Variants in CCDC102B observed in about 807,000 individuals in gnomAD.
CCDC102B encodes the protein coiled-coil domain containing 102B, also known as coiled-coil domain-containing protein 102B.
In CCDC102B, 75 loss-of-function variants were observed where a neutral mutation model predicts 57.4. The ratio of observed to expected loss-of-function variants is 1.31; its 90% CI spans 1.08 to 1.58. The LOEUF (loss-of-function observed/expected upper bound fraction) is 1.58. Ranked by LOEUF, CCDC102B falls within the 40% of genes most tolerant of loss-of-function variation. CCDC102B has a pLI of 0.00. For missense variants in CCDC102B, 636 were observed against 582.6 expected, an observed-to-expected ratio of 1.09 and a Z score of -0.94; for synonymous variants, 206 against 201.9, an observed-to-expected ratio of 1.02 and a Z score of -0.17.
chr18:69,053,983 T>C lies in CCDC102B; in HGVS notation c.1435-47T>C, dbSNP rs753094105. The C allele has an allele frequency of 3.4e-6, 5 of 1,470,408 alleles. No homozygotes were observed. The South Asian group carries it at 6.1e-5, about 18-fold the overall frequency. 91.1% of individuals were successfully genotyped at this position (1,470,408 alleles called of 1,614,324 possible). A position where few individuals can be genotyped will look rare whatever the true frequency, so the allele number is the denominator to read the frequency against. ...ATTTACTATAGCCACCATGATGTAC[T>C]ATAGAACACTTGAACCTAACTAAAG... On this transcript the variant is annotated intron_variant, in intron 7 of 7. Coordinates refer to ENST00000360242, the MANE Select transcript of CCDC102B (RefSeq NM_024781.3).
intron 2 of CCDC102B, chr18:68,721,456 A>G (rs777238254): frequency 1.9e-4 from 29 of 152,260 alleles, no homozygotes; most frequent in Middle Eastern, 3.4e-3. Context: ...ACTTGATATC[A>G]GTGGAATAAT....
At chr18:68,987,897 C>G (rs1207005651) in intron 6 of CCDC102B, among the ~76,000 whole-genome samples, 3 of 151,994 alleles carry the variant, frequency 2.0e-5, no homozygotes, top group Non-Finnish European at 2.9e-5. Context: ...AAAAAATAAC[C>G]TGCTCTTGAG....
At chr18:68,824,506 T>G (rs2036826807) in intron 1 of CCDC102B, among the ~76,000 whole-genome samples, 1 of 152,244 alleles carries the variant, frequency 6.6e-6, no homozygotes, top group South Asian at 2.1e-4. Context: ...TTCTTTCTCT[T>G]GCCTGATTGC....
intron 2 of CCDC102B, among the ~76,000 whole-genome samples, chr18:68,785,637 T>C (rs1202300549): frequency 2.7e-5 from 4 of 149,472 alleles, no homozygotes; most frequent in Non-Finnish European, 4.5e-5. Context: ...TTTTGAGAAG[T>C]GTCTGTTCAT....
intron 7 of CCDC102B, among the ~76,000 whole-genome samples, chr18:69,028,470 C>T (rs768754966): frequency 1.3e-5 from 2 of 152,044 alleles, no homozygotes; most frequent in African/African-American, 2.4e-5. Flanking sequence ...AATAGTAAAC[C>T]ATGGAAATAT....
At chr18:68,716,132 A>G (rs1019508101) in intron 1 of CCDC102B, among the ~76,000 whole-genome samples, 1 of 145,076 alleles carries the variant, frequency 6.9e-6, no homozygotes, top group Admixed American at 6.8e-5. Context: ...TTTTTTTTTT[A>G]AGAAAAAAGT....
intron 6 of CCDC102B, among the ~76,000 whole-genome samples, chr18:68,974,341 C>A (rs559002682): frequency 6.6e-6 from 1 of 152,064 alleles, no homozygotes; most frequent in African/African-American, 2.4e-5. Flanking sequence ...CACACCCTAA[C>A]GTGCCAGTGC....
intron 4 of CCDC102B, among the ~76,000 whole-genome samples, chr18:68,852,062 C>G (rs190616475): frequency 1.3e-5 from 2 of 152,254 alleles, no homozygotes; most frequent in East Asian, 3.9e-4. Context: ...GAAGACCATT[C>G]TTCGTGTTGA....
At chr18:68,717,260 TTAAG>T (rs1568214438) in intron 2 of CCDC102B, among the ~76,000 whole-genome samples, 1 of 152,036 alleles carries the variant, frequency 6.6e-6, no homozygotes, top group Non-Finnish European at 1.5e-5. Context: ...TAAATACCAA[TTAAG>T]TATTTCTGAT....
intron 1 of CCDC102B, among the ~76,000 whole-genome samples, chr18:68,826,737 C>T (rs984852488): frequency 2.0e-5 from 3 of 152,024 alleles, no homozygotes; most frequent in African/African-American, 7.2e-5. Context: ...GTTAAGGAAA[C>T]ATATCAAGAA....
chr18:68,765,625 G>C (rs578119026), intron 2 of CCDC102B, among the ~76,000 whole-genome samples: 1 of 152,068 alleles, frequency 6.6e-6, no homozygotes, highest in African/African-American at 2.4e-5. Flanking sequence ...CTGTAGATTT[G>C]CTTATACCAT....
rs1284109302 is a variant in CCDC102B at position 68,867,805 on chromosome 18, G to A, written c.937-6864G>A. 1.3e-4 allele frequency among the ~76,000 whole-genome samples: 19 copies of A among 151,962 alleles called. No homozygotes were observed. In the East Asian group the frequency reaches 2.3e-3, roughly 19 times the overall value. ...AAAAATTAGTCAGGAGTGGTGGCGGGCGCCTGTAGTCCCAGCTACTCGACA... is the reference window on the plus strand; with the variant it reads ...AAAAATTAGTCAGGAGTGGTGGCGGACGCCTGTAGTCCCAGCTACTCGACA... On this transcript the variant is annotated intron_variant, in intron 4 of 7. Coordinates refer to ENST00000360242, the MANE Select transcript of CCDC102B (RefSeq NM_024781.3).
chr18:69,052,876 C>A (rs1286084266), intron 7 of CCDC102B, among the ~76,000 whole-genome samples: 1 of 151,652 alleles, frequency 6.6e-6, no homozygotes, highest in Admixed American at 6.6e-5. Context: ...AGTTATATAC[C>A]ATTTATATAT....
At chr18:68,715,254 A>G in exon 1 of CCDC102B, 5 of 1,335,030 alleles carry the variant, frequency 3.7e-6, no homozygotes, top group Non-Finnish European at 4.8e-6. Flanking sequence ...CTCCACGCCC[A>G]GGAGCGTGGG....
chr18:68,954,936 A>C (rs148393115), intron 6 of CCDC102B, among the ~76,000 whole-genome samples: 2 of 152,288 alleles, frequency 1.3e-5, no homozygotes, highest in East Asian at 3.9e-4. Context: ...TCTACATAAT[A>C]TGCTGTCTTA....
At chr18:68,877,024 A>C (rs1242395427) in intron 5 of CCDC102B, among the ~76,000 whole-genome samples, 1 of 152,242 alleles carries the variant, frequency 6.6e-6, no homozygotes, top group African/African-American at 2.4e-5. Flanking sequence ...AGTAACAGAT[A>C]TTTCTTTCAA....
intron 2 of CCDC102B, chr18:68,734,681 G>C (rs2033047479): frequency 6.6e-6 from 1 of 151,844 alleles, no homozygotes; most frequent in East Asian, 1.9e-4. Context: ...TTTTTTCTCA[G>C]GCTAGAAATA....
intron 2 of CCDC102B, among the ~76,000 whole-genome samples, chr18:68,730,148 A>C (rs2145200937): frequency 6.6e-6 from 1 of 152,298 alleles, no homozygotes; most frequent in African/African-American, 2.4e-5. Flanking sequence ...AGTTTAACTT[A>C]GTTGTTTTAA....
chr18:68,999,532 G>A (rs1474106463), intron 6 of CCDC102B, among the ~76,000 whole-genome samples: 1 of 152,058 alleles, frequency 6.6e-6, no homozygotes, highest in Non-Finnish European at 1.5e-5. Flanking sequence ...CTTTAACCTG[G>A]GAAAAAGAGG....
Sources: gnomAD v4.1 joint callset for allele counts (sites outside exome capture counted in the v4.1 genomes callset) on GRCh38, gnomAD v4.1.1 for gene constraint, MANE v1.5 for transcripts, NCBI Gene and HGNC (gene_info 2026-07-23, HGNC 2026-07-21) for gene names.